DSCAM: variants seen among roughly 807,000 people sequenced by gnomAD.
The protein encoded by DSCAM is DS cell adhesion molecule, also known as cell adhesion molecule DSCAM.
A neutral mutation model predicts 217.7 loss-of-function variants in DSCAM; 47 were observed. The observed-to-expected ratio is 0.22, with a 90% CI of 0.17 to 0.28. The LOEUF (loss-of-function observed/expected upper bound fraction) is 0.28, where lower values mean the gene tolerates loss of function less well. Ranked by LOEUF, DSCAM falls within the 10% of genes least tolerant of loss-of-function variation. DSCAM has a pLI of 1.00. For missense variants in DSCAM, 2,080 were observed against 2,618.3 expected, an observed-to-expected ratio of 0.79 and a Z score of 4.49; for synonymous variants, 1,056 against 1,015.3, an observed-to-expected ratio of 1.04 and a Z score of -0.76.
At chr21:40,598,199 T>C (rs1196621494) in intron 3 of DSCAM, among the ~76,000 whole-genome samples, 1 of 152,222 alleles carries the variant, frequency 6.6e-6, no homozygotes, top group African/African-American at 2.4e-5. Context: ...TGGATCCACA[T>C]ACGATGTGGC....
chr21:40,236,516 T>A (rs1238963832), intron 11 of DSCAM, among the ~76,000 whole-genome samples: 3 of 151,992 alleles, frequency 2.0e-5, no homozygotes, highest in Non-Finnish European at 4.4e-5. Flanking sequence ...AGATCTCAGG[T>A]GCTGTAGTCA....
intron 2 of DSCAM, among the ~76,000 whole-genome samples, chr21:40,702,781 G>A (rs942472213): frequency 7.9e-5 from 12 of 151,518 alleles, no homozygotes; most frequent in Non-Finnish European, 1.6e-4. Context: ...CTATAACTCT[G>A]TTTTGTTATT....
At chr21:40,360,681 A>G (rs2074752894) in intron 4 of DSCAM, among the ~76,000 whole-genome samples, 1 of 152,168 alleles carries the variant, frequency 6.6e-6, no homozygotes, top group East Asian at 1.9e-4. Flanking sequence ...ACCATGGTGT[A>G]TATGTACCAC....
At chr21:40,109,167 A>G (rs541821633) in intron 20 of DSCAM, among the ~76,000 whole-genome samples, 208 of 152,360 alleles carry the variant, frequency 1.4e-3, no homozygotes, top group Non-Finnish European at 2.5e-3. Flanking sequence ...CAAGTAAATG[A>G]AAGAGCTTCT....
In DSCAM at chr21:40,178,755, T is replaced by A. The variant is rs568269526; in HGVS notation, c.2947+172A>T. ...TATTTGAAGAGCAGTGCCTTCAAAG[T>A]AAGATGCAGAGCGCTGTCTGCGTTT... On this transcript the variant is annotated intron_variant, in intron 15 of 32. Coordinates refer to ENST00000400454, the MANE Select transcript of DSCAM (RefSeq NM_001389.5). Among the ~76,000 whole-genome samples, 11 of 152,322 alleles carry A rather than the reference T, an allele frequency of 7.2e-5. 1 individual carries two copies. In the South Asian group the frequency reaches 2.3e-3, roughly 32 times the overall value.
chr21:40,428,085 C>T (rs1035734074), intron 3 of DSCAM, among the ~76,000 whole-genome samples: 7 of 152,182 alleles, frequency 4.6e-5, no homozygotes, highest in Admixed American at 4.6e-4. Context: ...GAAGGGGAAT[C>T]TGCCTTTAAG....
intron 18 of DSCAM, among the ~76,000 whole-genome samples, chr21:40,137,585 G>T (rs1484696348): frequency 7.2e-6 from 1 of 139,850 alleles, no homozygotes; most frequent in African/African-American, 2.7e-5. Context: ...CCTCTGTAGG[G>T]CTGTTTAATA....
intron 3 of DSCAM, among the ~76,000 whole-genome samples, chr21:40,523,943 CCACACCCCCAT>C (rs942135077): frequency 1.3e-5 from 2 of 152,096 alleles, no homozygotes; most frequent in African/African-American, 2.4e-5. Flanking sequence ...AAAACACGAG[CCACACCCCCAT>C]CACACACCCT....
chr21:40,565,454 G>A (rs539471519), intron 3 of DSCAM, among the ~76,000 whole-genome samples: 1 of 152,302 alleles, frequency 6.6e-6, no homozygotes, highest in South Asian at 2.1e-4. Context: ...ATATTAATAT[G>A]TTCACAGAGA....
At chr21:40,370,175 C>T (rs953190202) in intron 3 of DSCAM, among the ~76,000 whole-genome samples, 2 of 151,416 alleles carry the variant, frequency 1.3e-5, no homozygotes, top group African/African-American at 4.9e-5. Context: ...CAAGTTGGAG[C>T]ATAAAGGTAA....
At chr21:40,405,691 C>G (rs1016943371) in intron 3 of DSCAM, among the ~76,000 whole-genome samples, 14 of 152,094 alleles carry the variant, frequency 9.2e-5, no homozygotes, top group African/African-American at 3.4e-4. Context: ...GACTTGAATA[C>G]TTGTTTTATA....
chr21:40,155,374 C>T lies in DSCAM; in HGVS notation c.3019-10643G>A, dbSNP rs189529113. Among the ~76,000 whole-genome samples, 957 of 152,282 alleles carry T rather than the reference C, an allele frequency of 6.3e-3. 8 individuals are homozygous for T. Among genetic ancestry groups the T allele is most frequent in the African/African-American group, 0.021 (890 of 41,558 alleles). ...CTAGTCTGTGAGCCTGAGGCTGGGC[C>T]CCAACTATTTAGCGGTGGCTGAGTG... On this transcript the variant is annotated intron_variant, in intron 16 of 32. Transcript: ENST00000400454.
At chr21:40,238,644 TG>T (rs534136176) in intron 11 of DSCAM, among the ~76,000 whole-genome samples, 13 of 152,342 alleles carry the variant, frequency 8.5e-5, no homozygotes, top group African/African-American at 2.9e-4. Flanking sequence ...ATGACTAATT[TG>T]TGTGTTGCCT....
intron 1 of DSCAM, among the ~76,000 whole-genome samples, chr21:40,749,853 G>A (rs1357825935): frequency 6.6e-6 from 1 of 152,064 alleles, no homozygotes; most frequent in East Asian, 1.9e-4. Context: ...ATGTATAAAG[G>A]GCGGCCTGTA....
chr21:40,456,322 G>A (rs2075763158), intron 3 of DSCAM, among the ~76,000 whole-genome samples: 2 of 151,776 alleles, frequency 1.3e-5, no homozygotes, highest in African/African-American at 4.8e-5. Context: ...TTAAAAAAAA[G>A]TAAATTAAAA....
chr21:40,395,178 A>C (rs1300875063), intron 3 of DSCAM, among the ~76,000 whole-genome samples: 1 of 152,174 alleles, frequency 6.6e-6, no homozygotes, highest in Admixed American at 6.5e-5. Context: ...TTCCAAAAAT[A>C]ATTTGATGTG....
At chr21:40,812,702 T>C (rs1431039545) in intron 1 of DSCAM, among the ~76,000 whole-genome samples, 1 of 152,198 alleles carries the variant, frequency 6.6e-6, no homozygotes, top group Non-Finnish European at 1.5e-5. Flanking sequence ...AATAGAAAGT[T>C]ATGGGCACAC....
chr21:40,792,122 T>TCTC (rs141588011), intron 1 of DSCAM, among the ~76,000 whole-genome samples: 17,076 of 102,092 alleles, frequency 0.17, 1,528 homozygotes, highest in East Asian at 0.47. Context: ...GGTGTCCTAA[T>TCTC]CTCTTCTTCT....
At chr21:40,155,920 C>T (rs36043003) in intron 16 of DSCAM, among the ~76,000 whole-genome samples, 89,369 of 151,516 alleles carry the variant, frequency 0.59, 27,116 homozygotes, top group South Asian at 0.67. Flanking sequence ...GAGGGCAGGG[C>T]GTGGGAAGCT....
Sources: allele counts gnomAD v4.1 joint callset (sites outside exome capture counted in the v4.1 genomes callset), GRCh38; gene constraint gnomAD v4.1.1; transcripts MANE v1.5; gene names NCBI Gene and HGNC (gene_info 2026-07-23, HGNC 2026-07-21).